The following FLYWCH2 variants were observed in gnomAD, a reference collection of about 807,000 sequenced individuals.
FLYWCH2 encodes the protein FLYWCH family member 2.
Under a neutral mutation model 6.0 loss-of-function variants are expected in FLYWCH2, and 2 were observed. The ratio of observed to expected loss-of-function variants is 0.33; its 90% confidence interval spans 0.14 to 1.04. The LOEUF is 1.04. Ranked by LOEUF, FLYWCH2 falls within the 50% of genes least tolerant of loss-of-function variation. The pLI, the probability that FLYWCH2 is intolerant of heterozygous loss-of-function variation, is 0.45. For missense variants in FLYWCH2, 192 were observed against 183.4 expected, an observed-to-expected ratio of 1.05 and a Z score of -0.27; for synonymous variants, 87 against 79.3, an observed-to-expected ratio of 1.10 and a Z score of -0.52.
intron 1 of FLYWCH2, 117 bp from the exon 2 acceptor site, chr16:2,895,099 AAGAC>A (rs2069803479): frequency 6.6e-6 from 1 of 151,974 alleles, no homozygotes; most frequent in African/African-American, 2.4e-5. Context: ...TGACCCCCAA[AAGAC>A]AGAAAGGCCA....
In FLYWCH2 at chr16:2,883,354, A is replaced by G. The variant is rs2069661812; in HGVS notation, c.-212A>G. ...GGCGCTGTCGCCGGAGAGGGAGGGCACCGCTGTCGTCGGTGAGGACGGGCC... is the reference window on the plus strand; with the variant it reads ...GGCGCTGTCGCCGGAGAGGGAGGGCGCCGCTGTCGTCGGTGAGGACGGGCC... On this transcript the variant is annotated 5_prime_UTR_variant, in exon 1 of 4. Coordinates refer to ENST00000396958, the MANE Select transcript of FLYWCH2 (RefSeq NM_138439.3). The G allele has an allele frequency of 3.3e-5, 5 of 152,124 alleles. No homozygotes were observed. In the South Asian group the frequency reaches 1.0e-3, roughly 31 times the overall value. 9.4% of individuals were successfully genotyped at this position (152,124 alleles called of 1,614,324 possible). A position where few individuals can be genotyped will look rare whatever the true frequency, so the allele number is the denominator to read the frequency against.
chr16:2,895,858 C>T (rs1040945991), intron 2 of FLYWCH2, among the ~76,000 whole-genome samples: 1 of 152,226 alleles, frequency 6.6e-6, no homozygotes, highest in Non-Finnish European at 1.5e-5. Context: ...ACAAAGTACA[C>T]CAGATGCTGT....
chr16:2,890,891 C>T (rs569090117), intron 1 of FLYWCH2, among the ~76,000 whole-genome samples: 1 of 152,170 alleles, frequency 6.6e-6, no homozygotes, highest in Non-Finnish European at 1.5e-5. Context: ...TGGAAATGCA[C>T]TAAGCCCAGC....
intron 1 of FLYWCH2, among the ~76,000 whole-genome samples, chr16:2,884,708 C>A (rs1473297623): frequency 6.6e-6 from 1 of 151,310 alleles, no homozygotes; most frequent in African/African-American, 2.4e-5. Flanking sequence ...AACCCCGTCT[C>A]AACTAAAAAT....
At chr16:2,890,539 C>T (rs867035039) in intron 1 of FLYWCH2, among the ~76,000 whole-genome samples, 6 of 151,950 alleles carry the variant, frequency 3.9e-5, no homozygotes, top group Non-Finnish European at 5.9e-5. Flanking sequence ...CTCAGCCTCC[C>T]GAGTAGCTGG....
chr16:2,886,925 C>G (rs2069705235), intron 1 of FLYWCH2, among the ~76,000 whole-genome samples: 1 of 151,994 alleles, frequency 6.6e-6, no homozygotes, highest in African/African-American at 2.4e-5. Flanking sequence ...GATTTGCAAA[C>G]ATTTTTTCCC....
At position 2,896,788 on chromosome 16, in the gene FLYWCH2, G is replaced by T; in HGVS notation, c.322+17G>T. On this transcript the variant is annotated intron_variant, in intron 3 of 3. Coordinates refer to ENST00000396958, the MANE Select transcript of FLYWCH2 (RefSeq NM_138439.3). ...AGGACCCAGGTGAGGCTCCACAGCG[G>T]CCCCCCAGGACAGCTCGGCACCTCC... is the stretch of plus-strand genomic sequence containing the variant. 6.2e-7 allele frequency: 1 copy of T among 1,603,160 alleles called. No individual in the cohort carries two copies. The highest frequency in any genetic ancestry group is 8.5e-7 in the Non-Finnish European group (1 of 1,178,098).
chr16:2,892,007 C>A (rs902865553), intron 1 of FLYWCH2, among the ~76,000 whole-genome samples: 4 of 150,794 alleles, frequency 2.7e-5, no homozygotes, highest in African/African-American at 4.9e-5. Context: ...GCCTTGCCAA[C>A]ATGGTGAAAC....
chr16:2,888,251 C>T (rs1477683893), intron 1 of FLYWCH2, among the ~76,000 whole-genome samples: 1 of 152,054 alleles, frequency 6.6e-6, no homozygotes, highest in Non-Finnish European at 1.5e-5. Context: ...TTCAGGCAAT[C>T]CACCCACCTT....
intron 1 of FLYWCH2, among the ~76,000 whole-genome samples, chr16:2,884,151 A>G (rs963298015): frequency 1.3e-5 from 2 of 152,108 alleles, no homozygotes; most frequent in African/African-American, 4.8e-5. Flanking sequence ...TTTTGCGATG[A>G]CTTCACCCTT....
rs530606882 is a variant in FLYWCH2, at chr16:2,886,181, GTTA to G, written c.-200+2821_-200+2823del. On this transcript the variant is annotated intron_variant, in intron 1 of 3. Transcript: ENST00000396958. ...GCCTTTGCCCATTATTATTATTATT[GTTA>G]TTATTTTTTTTTTTTAGACGGAGTA... Among the ~76,000 whole-genome samples the G allele has an allele frequency of 3.1e-3, 470 of 151,600 alleles. 2 individuals carry two copies. Among genetic ancestry groups the G allele is most frequent in the African/African-American group, 0.011 (446 of 41,334 alleles).
intron 1 of FLYWCH2, among the ~76,000 whole-genome samples, chr16:2,888,795 C>T (rs1432648794): frequency 1.3e-5 from 2 of 152,054 alleles, no homozygotes; most frequent in Non-Finnish European, 2.9e-5. Flanking sequence ...TCTTCATAAC[C>T]TTCACTTCTC....
At chr16:2,894,537 C>G (rs544646191) in intron 1 of FLYWCH2, among the ~76,000 whole-genome samples, 1 of 152,338 alleles carries the variant, frequency 6.6e-6, no homozygotes, top group South Asian at 2.1e-4. Context: ...TCCCCGGCAT[C>G]CCCACATCGC....
chr16:2,893,543 T>TAGTCAATA (rs748187356), intron 1 of FLYWCH2, among the ~76,000 whole-genome samples: 25 of 152,280 alleles, frequency 1.6e-4, no homozygotes, highest in Middle Eastern at 3.4e-3. Flanking sequence ...TTTGGAGAAT[T>TAGTCAATA]AGTCAATAGT....
intron 3 of FLYWCH2, chr16:2,898,706 G>T: frequency 4.5e-6 from 1 of 222,278 alleles, no homozygotes. Flanking sequence ...CAGGGGTCCC[G>T]CAGGCAATCA....
chr16:2,883,529 G>A (rs546731865), intron 1 of FLYWCH2, among the ~76,000 whole-genome samples, 163 bp downstream of exon 1: 40 of 152,236 alleles, frequency 2.6e-4, no homozygotes, highest in African/African-American at 6.7e-4. Context: ...TTCCCTCTTT[G>A]CCTCTCGCCC....
chr16:2,885,138 C>T (rs1337097105), intron 1 of FLYWCH2, among the ~76,000 whole-genome samples: 2 of 151,918 alleles, frequency 1.3e-5, no homozygotes, highest in Non-Finnish European at 2.9e-5. Context: ...CTGGCTAACA[C>T]GGTGAAACCC....
At position 2,896,459 on chromosome 16, in the gene FLYWCH2, C is replaced by T. The variant is rs1426402253; in HGVS notation, c.10C>T (p.Pro4Ser). 4 of 1,611,864 alleles carry T rather than the reference C, an allele frequency of 2.5e-6. No individual in the cohort carries two copies. The highest frequency in any genetic ancestry group is 3.4e-6 in the Non-Finnish European group (4 of 1,178,794). MPL[P>S]EPSEQEGESV... ...GGCCCTGGGTCCCGGGATGCCCCTG[C>T]CCGAGCCCAGCGAGCAGGAGGGTGA... The change falls in exon 3 of 4, where the codon CCC becomes TCC. Residue 4 changes from proline to serine, a missense_variant. Transcript: ENST00000396958.
chr16:2,885,584 T>C (rs2069689874), intron 1 of FLYWCH2, among the ~76,000 whole-genome samples: 1 of 152,238 alleles, frequency 6.6e-6, no homozygotes, highest in African/African-American at 2.4e-5. Context: ...ATATAATATG[T>C]GGTCTTTTGG....
Sources: allele counts gnomAD v4.1 joint callset (sites outside exome capture counted in the v4.1 genomes callset), GRCh38; gene constraint gnomAD v4.1.1; transcripts MANE v1.5; gene names NCBI Gene and HGNC (gene_info 2026-07-23, HGNC 2026-07-21).